The following ATP2C1 variants were observed in gnomAD, a reference collection of about 807,000 sequenced individuals.
ATP2C1 encodes ATPase secretory pathway Ca2+ transporting 1.
Under a neutral mutation model 120.5 loss-of-function variants are expected in ATP2C1, and 31 were observed. The ratio of observed to expected loss-of-function variants is 0.26; its 90% CI spans 0.19 to 0.35. ATP2C1 has a LOEUF of 0.35. Among genes scored for constraint, ATP2C1 ranks in the 10% least tolerant of loss-of-function variants. ATP2C1 has a pLI of 1.00. For missense variants in ATP2C1, 731 were observed against 1,107.5 expected (o/e 0.66, Z 4.83); for synonymous variants, 351 against 358.7 (o/e 0.98, Z 0.24).
At chr3:130,864,029 G>A (rs2068093311) in intron 1 of ATP2C1, among the ~76,000 whole-genome samples, 1 of 152,202 alleles carries the variant, frequency 6.6e-6, no homozygotes, top group African/African-American at 2.4e-5. Flanking sequence ...AACAGGCAGA[G>A]GTTGGAACAG....
intron 27 of ATP2C1, 138 bp from the exon 28 acceptor site, chr3:131,001,082 G>GACC (rs1399740150): frequency 1.5e-6 from 1 of 645,474 alleles, no homozygotes; most frequent in African/African-American, 2.4e-5. Context: ...CAGCCTGGGT[G>GACC]ACAGAGCAAG....
In ATP2C1 at chr3:131,001,378, C is replaced by G. The variant is rs2062878369; in HGVS notation, c.*28C>G. 2 of 1,609,064 alleles carry G rather than the reference C, an allele frequency of 1.2e-6. No homozygotes were observed. The highest frequency in any genetic ancestry group is 1.7e-6 in the Non-Finnish European group (2 of 1,177,212). On this transcript the variant is annotated 3_prime_UTR_variant, in exon 28 of 28. Transcript: ENST00000510168. ...CATATTGCATTATTTTATTTGCAAA[C>G]TAGGAATTGCAGTCTGAGGATCATT...
At chr3:130,929,171 T>C (rs369521387) in intron 2 of ATP2C1, among the ~76,000 whole-genome samples, 54 of 152,308 alleles carry the variant, frequency 3.5e-4, no homozygotes, top group Non-Finnish European at 7.1e-4. Flanking sequence ...TTCACCGATA[T>C]CTCCTCATTA....
At chr3:130,911,091 G>T (rs2058385400) in intron 2 of ATP2C1, among the ~76,000 whole-genome samples, 1 of 151,632 alleles carries the variant, frequency 6.6e-6, no homozygotes, top group Non-Finnish European at 1.5e-5. Flanking sequence ...ACTCCTTTTG[G>T]TTGGTAAACT....
chr3:131,007,858 T>C (rs966650305), downstream of ATP2C1, among the ~76,000 whole-genome samples: 9 of 152,210 alleles, frequency 5.9e-5, no homozygotes, highest in Non-Finnish European at 1.3e-4. Flanking sequence ...TAGGTGACTG[T>C]AGAAAATGTA....
chr3:131,015,435 C>T (rs1430629274), intron 26 of ATP2C1, among the ~76,000 whole-genome samples: 1 of 152,224 alleles, frequency 6.6e-6, no homozygotes, highest in Admixed American at 6.5e-5. Context: ...CACTGCTCCA[C>T]ACCCTACTGC....
chr3:130,888,006 C>T (rs2760254), intron 1 of ATP2C1, among the ~76,000 whole-genome samples: 28,186 of 152,108 alleles, frequency 0.19, 2,749 homozygotes, highest in Middle Eastern at 0.25. Flanking sequence ...CTGGGTATTG[C>T]GGCTGATTAT....
chr3:130,950,690 A>T (rs2060334566), intron 8 of ATP2C1, among the ~76,000 whole-genome samples: 1 of 152,072 alleles, frequency 6.6e-6, no homozygotes, highest in South Asian at 2.1e-4. Flanking sequence ...TTTGAGTTTT[A>T]GTTGCAAATT....
intron 26 of ATP2C1, 129 bp downstream of exon 26, chr3:130,998,518 C>T (rs2108939174): frequency 1.4e-6 from 1 of 725,950 alleles, no homozygotes; most frequent in African/African-American, 1.7e-5. Context: ...CAGCCCCAGA[C>T]ACAGCCTTCT....
intron 20 of ATP2C1, 63 bp downstream of exon 20, chr3:130,980,742 A>C (rs958508128): frequency 1.7e-6 from 2 of 1,200,792 alleles, no homozygotes; most frequent in Non-Finnish European, 1.2e-6. Flanking sequence ...CATTTCTACT[A>C]CTATCTTAAT....
At chr3:130,876,858 T>A (rs2068621205) in intron 1 of ATP2C1, among the ~76,000 whole-genome samples, 1 of 152,156 alleles carries the variant, frequency 6.6e-6, no homozygotes, top group Non-Finnish European at 1.5e-5. Context: ...TACTAGGGGT[T>A]TTTTGTAGCT....
chr3:130,888,687 A>G (rs576096394), intron 1 of ATP2C1, among the ~76,000 whole-genome samples: 1 of 152,310 alleles, frequency 6.6e-6, no homozygotes, highest in East Asian at 1.9e-4. Context: ...TCTGTGTAGC[A>G]GGGCTGCTGC....
chr3:130,893,116 T>C (rs1398623523), upstream of ATP2C1, among the ~76,000 whole-genome samples: 1 of 152,212 alleles, frequency 6.6e-6, no homozygotes, highest in African/African-American at 2.4e-5. Flanking sequence ...TTCAACATTA[T>C]ATGTCTGGCT....
chr3:130,948,024 A>G (rs1193256488), intron 8 of ATP2C1, among the ~76,000 whole-genome samples: 1 of 152,184 alleles, frequency 6.6e-6, no homozygotes, highest in East Asian at 1.9e-4. Flanking sequence ...GTGCCCATTA[A>G]TATAGATTTA....
intron 23 of ATP2C1, 116 bp downstream of exon 23, chr3:130,996,227 T>G (rs956176454): frequency 1.2e-6 from 1 of 824,436 alleles, no homozygotes; most frequent in Admixed American, 2.1e-5. Context: ...ATTGTTCATA[T>G]GTCAGTTTTC....
At chr3:130,959,008 G>C (rs2060700282) in intron 11 of ATP2C1, among the ~76,000 whole-genome samples, 1 of 152,116 alleles carries the variant, frequency 6.6e-6, no homozygotes, top group African/African-American at 2.4e-5. Flanking sequence ...GGTAGGAGCA[G>C]TGTCAACCAA....
In ATP2C1 at chr3:130,996,740, C is replaced by T; in HGVS notation, c.2187C>T (p.Leu729=). 1 of 1,613,474 alleles carries T rather than the reference C, an allele frequency of 6.2e-7. No individual in the cohort carries two copies. The highest frequency in any genetic ancestry group is 8.5e-7 in the Non-Finnish European group (1 of 1,179,438). The change falls in exon 24 of 28, where the codon CTC becomes CTT. Residue 729 remains leucine (L), a synonymous_variant. Coordinates refer to ENST00000510168, the MANE Select transcript of ATP2C1 (RefSeq NM_001378687.1). The part of the protein sequence containing the change: ...LATLMNFPNP[L]NAMQILWINI... ...CATTAATGAACTTTCCTAATCCTCT[C>T]AATGCCATGCAGATTTTGTGGATCA...
intron 1 of ATP2C1, among the ~76,000 whole-genome samples, chr3:130,867,480 C>T (rs1300781706): frequency 1.0e-4 from 15 of 148,106 alleles, no homozygotes; most frequent in South Asian, 2.2e-4. Flanking sequence ...TTGGTGGAGA[C>T]GGGGTTTCGC....
chr3:130,855,841 CCT>C (rs371204227), intron 1 of ATP2C1: 8 of 152,346 alleles, frequency 5.3e-5, no homozygotes, highest in African/African-American at 1.9e-4. Flanking sequence ...CCTTCAGCAG[CCT>C]CGCCAGTCTG....
Sources: gnomAD v4.1 joint callset for allele counts (sites outside exome capture counted in the v4.1 genomes callset) on GRCh38, gnomAD v4.1.1 for gene constraint, MANE v1.5 for transcripts, NCBI Gene and HGNC (gene_info 2026-07-23, HGNC 2026-07-21) for gene names.